The following EXOSC10 variants were observed in gnomAD, a reference collection of about 807,000 sequenced individuals.
The protein encoded by EXOSC10 is exosome complex component 10.
Under a neutral mutation model 126.6 loss-of-function variants are expected in EXOSC10, and 94 were observed. That is an observed-to-expected ratio of 0.74 (90% CI 0.63 to 0.88). EXOSC10 has a LOEUF of 0.88. Ranked by LOEUF, EXOSC10 falls within the 40% of genes least tolerant of loss-of-function variation. The pLI is 0.00. For missense variants in EXOSC10, 1,041 were observed against 1,100.5 expected (o/e 0.95, Z 0.77); for synonymous variants, 395 against 400.8 (o/e 0.99, Z 0.17).
In EXOSC10 at chr1:11,072,141, G is replaced by A; in HGVS notation, c.2188C>T (p.Gln730Ter). ...ISNRWKLAQVQVQKDSKEAVK... is the reference protein window; with the variant it reads ...ISNRWKLAQV ...GCTTCTTTAGAGTCTTTTTGTACTT[G>A]TACCTGGGCCAGCTTCCAGCGGTTG... The change falls in exon 20 of 25, where the codon CAA (glutamine) becomes TAA (stop). Residue 730 changes from glutamine to a stop codon, truncating the protein, a stop_gained. Coordinates refer to ENST00000376936, the MANE Select transcript of EXOSC10 (RefSeq NM_001001998.3). LOFTEE classifies it high-confidence loss of function. 6.2e-7 allele frequency: 1 copy of A among 1,613,648 alleles called. No homozygotes were observed. Among genetic ancestry groups the A allele is most frequent in the Non-Finnish European group, 8.5e-7 (1 of 1,179,864 alleles).
intron 22 of EXOSC10, 68 bp from the exon 23 acceptor site, chr1:11,068,774 G>A (rs1201334722): frequency 2.4e-6 from 3 of 1,264,856 alleles, no homozygotes; most frequent in South Asian, 2.4e-5. Flanking sequence ...CAGGCTCACA[G>A]CGAGGCCGGG....
chr1:11,096,402 C>T (rs1243018346), intron 2 of EXOSC10, among the ~76,000 whole-genome samples: 2 of 151,588 alleles, frequency 1.3e-5, no homozygotes, highest in East Asian at 1.9e-4. Context: ...CCACCTGCCT[C>T]GGCCTCCCAA....
chr1:11,097,809 A>G (rs1452191148), intron 2 of EXOSC10, among the ~76,000 whole-genome samples: 4 of 152,230 alleles, frequency 2.6e-5, no homozygotes, highest in African/African-American at 9.6e-5. Context: ...ATATTTTTTC[A>G]GTACAAAAGT....
chr1:11,077,290 C>G lies in EXOSC10; in HGVS notation c.1879+75G>C, dbSNP rs574442275. Reference sequence around the variant, plus strand: ...ACAGGCATAAGCCACCACGCCCGGCCAAGCCTACAGAATTTTAGACAAGGT... The same window carrying G: ...ACAGGCATAAGCCACCACGCCCGGCGAAGCCTACAGAATTTTAGACAAGGT... On this transcript the variant is annotated intron_variant, in intron 16 of 24. Coordinates refer to ENST00000376936, the MANE Select transcript of EXOSC10 (RefSeq NM_001001998.3). The G allele has an allele frequency of 4.7e-6, 7 of 1,494,240 alleles. No individual in the cohort carries two copies. The East Asian group carries it at 1.6e-4, about 34-fold the overall frequency. The allele number at this position is 1,494,240 out of a possible 1,614,324, so 92.6% of individuals were successfully genotyped here. A position where few individuals can be genotyped will look rare whatever the true frequency, so the allele number is the denominator to read the frequency against.
chr1:11,072,541 G>T, intron 19 of EXOSC10: 1 of 182,954 alleles, frequency 5.5e-6, no homozygotes, highest in Non-Finnish European at 1.2e-5. Flanking sequence ...CTCAAGGCTG[G>T]GCTTCCGCAA....
intron 17 of EXOSC10, among the ~76,000 whole-genome samples, chr1:11,075,853 C>CAAAAAAAAAAA (rs58667041): frequency 8.5e-5 from 3 of 35,140 alleles, no homozygotes; most frequent in African/African-American, 2.6e-4. Context: ...GATCCTGTCA[C>CAAAAAAAAAAA]AAAAAAAAAA....
chr1:11,085,530 T>C (rs545979302), intron 9 of EXOSC10, among the ~76,000 whole-genome samples: 40 of 152,166 alleles, frequency 2.6e-4, no homozygotes, highest in Non-Finnish European at 3.1e-4. Context: ...GCTGAGACAA[T>C]GGGGTTTTCT....
Position 11,080,816 on chromosome 1 carries a change from G to T in EXOSC10, c.1534C>A (p.Leu512Met). Residue 512 changes from leucine (L) to methionine (M), a missense_variant, in exon 12 of 25, where the codon CTG (leucine) becomes ATG (methionine). Around this residue, in one of 3 missense-constraint regions of EXOSC10, gnomAD observed 645 missense variants for 656.3 expected, o/e 0.98. Transcript: ENST00000376936. Reference sequence around the variant, plus strand: ...GTTTTATCCCTCCAGGCAAACAGCAGCTGAAAGGCTGTCAACTGCTGTGTG... The same window carrying T: ...GTTTTATCCCTCCAGGCAAACAGCATCTGAAAGGCTGTCAACTGCTGTGTG... ...LNTQQLTAFQ[L>M]LFAWRDKTAR... 1.2e-6 allele frequency: 2 copies of T among 1,614,180 alleles called. No homozygotes were observed. Among genetic ancestry groups the T allele is most frequent in the Non-Finnish European group, 1.7e-6 (2 of 1,180,028 alleles).
Position 11,087,495 on chromosome 1 carries a change from C to T in EXOSC10, c.1042G>A (p.Asp348Asn). ...FIIDTLELRS[D>N]MYILNESLTD... ...AGGCTCTCATTGAGAATGTACATGT[C>T]ACTTCGAAGCTCGAGGGTGTCAATG... The change falls in exon 9 of 25, where the codon GAC becomes AAC. Residue 348 changes from aspartate (D) to asparagine (N), a missense_variant. Physicochemically the swap from Asp to Asn is conservative, Grantham distance 23. Transcript: ENST00000376936. The T allele has an allele frequency of 6.2e-7, 1 of 1,614,092 alleles. No individual in the cohort carries two copies. Among genetic ancestry groups the T allele is most frequent in the Non-Finnish European group, 8.5e-7 (1 of 1,179,998 alleles).
Position 11,066,758 on chromosome 1 carries a change from G to A in EXOSC10, c.2628-10C>T, listed in dbSNP as rs770819292. ...GTTGTACCTGAAGCCTCTGCAGAGA[G>A]TACAAAAACAACAGTTATTTCTTCC... is the stretch of plus-strand genomic sequence containing the variant. On this transcript the variant is annotated splice_polypyrimidine_tract_variant and intron_variant, in intron 24 of 24. Transcript: ENST00000376936. 9 of 1,613,940 alleles carry A rather than the reference G, an allele frequency of 5.6e-6. No individual in the cohort carries two copies. Among genetic ancestry groups the A allele is most frequent in the African/African-American group, 5.3e-5 (4 of 74,934 alleles).
Position 11,077,424 on chromosome 1 carries a change from A to G in EXOSC10, c.1820T>C (p.Phe607Ser). ...PSAERLENVL[F>S]GPHDCSHAPP... is the part of the protein sequence containing the mutation. ...GGCATGGGAGCAGTCGTGAGGTCCA[A>G]AGAGAACATTCTCCAATCTCTGCAT... Residue 607 changes from phenylalanine to serine, a missense_variant, in exon 16 of 25, where the codon TTT (phenylalanine) becomes TCT (serine). Physicochemically the swap from Phe to Ser is radical, Grantham distance 155. Around this residue, in one of 3 missense-constraint regions of EXOSC10, gnomAD observed 388 missense variants for 415.2 expected, o/e 0.93. Transcript: ENST00000376936. 1 of 1,614,086 alleles carries G rather than the reference A, an allele frequency of 6.2e-7. No individual in the cohort carries two copies. Among genetic ancestry groups the G allele is most frequent in the Non-Finnish European group, 8.5e-7 (1 of 1,180,000 alleles).
chr1:11,085,001 A>G (rs1373408398), intron 9 of EXOSC10, among the ~76,000 whole-genome samples: 2 of 152,174 alleles, frequency 1.3e-5, no homozygotes, highest in East Asian at 3.9e-4. Flanking sequence ...CTGTTTTGGT[A>G]CCAGTACCAT....
At chr1:11,087,315 T>C in intron 9 of EXOSC10, 133 bp downstream of exon 9, 1 of 1,067,444 alleles carries the variant, frequency 9.4e-7, no homozygotes, top group Non-Finnish European at 1.4e-6. Flanking sequence ...CATTTAGCAC[T>C]GTACCCTAGT....
chr1:11,069,344 AG>A (rs1639318044), intron 22 of EXOSC10, among the ~76,000 whole-genome samples: 1 of 151,944 alleles, frequency 6.6e-6, no homozygotes, highest in Non-Finnish European at 1.5e-5. Context: ...CCCACCATGG[AG>A]GCCACCATGA....
rs1231327618 is a variant in EXOSC10, at chr1:11,074,291, C to A, written c.2022G>T (p.Leu674Phe). 8 of 1,613,992 alleles carry A rather than the reference C, an allele frequency of 5.0e-6. No homozygotes were observed. The highest frequency in any genetic ancestry group is 6.8e-6 in the Non-Finnish European group (8 of 1,180,004). Residue 674 changes from leucine (L) to phenylalanine (F), a missense_variant, in exon 18 of 25, where the codon TTG (leucine) becomes TTT (phenylalanine). By Grantham distance (22) the Leu-to-Phe change is conservative. Around this residue, in one of 3 missense-constraint regions of EXOSC10, gnomAD observed 388 missense variants for 415.2 expected, o/e 0.93. Coordinates refer to ENST00000376936, the MANE Select transcript of EXOSC10 (RefSeq NM_001001998.3). ...TCTGGGCTTTTTTCTGTGCAACTGTCAATGGACCCTTTTTACTGTCTTCAG... is the reference window on the plus strand; with the variant it reads ...TCTGGGCTTTTTTCTGTGCAACTGTAAATGGACCCTTTTTACTGTCTTCAG... ...PSAEDSKKGP[L>F]TVAQKKAQNI...
At chr1:11,096,469 TTC>T (rs1463330367) in intron 2 of EXOSC10, among the ~76,000 whole-genome samples, 30 of 128,614 alleles carry the variant, frequency 2.3e-4, no homozygotes, top group East Asian at 2.4e-4. Context: ...CTTTCTTTCT[TTC>T]TTTTTTTTTT....
Position 11,087,819 on chromosome 1 carries a change from T to C in EXOSC10, c.926A>G (p.Glu309Gly). Reference protein sequence around the residue: ...ELNEKLLNCQEFAVDLEHHSY... With the variant: ...ELNEKLLNCQGFAVDLEHHSY... ...AGATACCTCCAAGTCAACTGCAAAT[T>C]CCTGACAATTCAAGAGCTTTTCGTT... The change falls in exon 8 of 25, where the codon GAA (glutamate) becomes GGA (glycine). Residue 309 changes from glutamate (E) to glycine (G), a missense_variant. Glu to Gly is a moderately conservative substitution (Grantham distance 98). Coordinates refer to ENST00000376936, the MANE Select transcript of EXOSC10 (RefSeq NM_001001998.3). The C allele has an allele frequency of 6.2e-7, 1 of 1,612,598 alleles. No homozygotes were observed. The highest frequency in any genetic ancestry group is 8.5e-7 in the Non-Finnish European group (1 of 1,179,522).
chr1:11,080,407 G>T, intron 13 of EXOSC10, 92 bp downstream of exon 13: 1 of 1,482,874 alleles, frequency 6.7e-7, no homozygotes, highest in Non-Finnish European at 9.4e-7. Flanking sequence ...TGAGTAAGCA[G>T]CCTTGGGTAA....
chr1:11,087,501 G>C lies in EXOSC10; in HGVS notation c.1036C>G (p.Arg346Gly). The C allele has an allele frequency of 1.9e-6, 3 of 1,614,024 alleles. No homozygotes were observed. The highest frequency in any genetic ancestry group is 2.5e-6 in the Non-Finnish European group (3 of 1,179,960). Residue 346 changes from arginine to glycine, a missense_variant, in exon 9 of 25, where the codon CGA (arginine) becomes GGA (glycine). This residue lies in a region of EXOSC10 where 645 missense variants were observed against 656.3 expected (regional missense o/e 0.98). Transcript: ENST00000376936. ...EDFIIDTLEL[R>G]SDMYILNESL... is the part of the protein sequence containing the mutation. The stretch of plus-strand genomic sequence containing the variant: ...TCATTGAGAATGTACATGTCACTTC[G>C]AAGCTCGAGGGTGTCAATGATGAAG...
Sources: allele counts gnomAD v4.1 joint callset (sites outside exome capture counted in the v4.1 genomes callset), GRCh38; gene constraint gnomAD v4.1.1; regional missense constraint gnomAD v4.1.1; transcripts MANE v1.5; gene names NCBI Gene and HGNC (gene_info 2026-07-23, HGNC 2026-07-21).